The following JAK1 variants were observed in gnomAD, a reference collection of about 807,000 sequenced individuals.
JAK1 encodes Janus kinase 1.
A neutral mutation model predicts 136.6 loss-of-function variants in JAK1; 16 were observed. The ratio of observed to expected loss-of-function variants is 0.12; its 90% confidence interval spans 0.08 to 0.18. The LOEUF is 0.18. Among genes scored for constraint, JAK1 ranks in the 10% least tolerant of loss-of-function variants. JAK1 has a pLI of 1.00. For missense variants in JAK1, 859 were observed against 1,450.1 expected (o/e 0.59, Z 6.62); for synonymous variants, 492 against 519.5 (o/e 0.95, Z 0.72).
At chr1:64,985,469 G>A in intron 2 of JAK1, 1 of 1,603,124 alleles carries the variant, frequency 6.2e-7, no homozygotes, top group Non-Finnish European at 8.5e-7. Flanking sequence ...GCAAGAATCT[G>A]GGACTTTCAG....
chr1:65,050,502 G>A (rs1297608632), intron 1 of JAK1, among the ~76,000 whole-genome samples: 1 of 152,226 alleles, frequency 6.6e-6, no homozygotes, highest in Admixed American at 6.5e-5. Context: ...ACAAAGGCCA[G>A]GCCAGTCAAC....
rs10636048 is a variant in JAK1, at chr1:64,977,138, C to CTTGTTTGTTTGT, written c.-78+67330_-78+67341dup. On this transcript the variant is annotated intron_variant, in intron 2 of 25. Transcript: ENST00000671954. The stretch of plus-strand genomic sequence containing the variant: ...TATATTGTCCTCACAACAGCTTCAT[C>CTTGTTTGTTTGT]TTGTTTGTTTGTTTGTTTGTTTGTT... Among the ~76,000 whole-genome samples the CTTGTTTGTTTGT allele has an allele frequency of 8.7e-3, 1,292 of 148,370 alleles. 18 individuals are homozygous for CTTGTTTGTTTGT. Among genetic ancestry groups the CTTGTTTGTTTGT allele is most frequent in the African/African-American group, 0.025 (997 of 39,774 alleles).
intron 2 of JAK1, among the ~76,000 whole-genome samples, chr1:65,007,436 C>A (rs979877187): frequency 5.9e-5 from 9 of 152,084 alleles, no homozygotes; most frequent in African/African-American, 2.2e-4. Context: ...ACTCTTATTT[C>A]TTTCTTTGTT....
At chr1:64,927,688 A>G (rs1323868373) in intron 1 of JAK1, among the ~76,000 whole-genome samples, 1 of 152,224 alleles carries the variant, frequency 6.6e-6, no homozygotes, top group Non-Finnish European at 1.5e-5. Flanking sequence ...CAGGAAATAA[A>G]CATCCTGCAA....
chr1:64,872,812 A>G (rs1368381581), intron 5 of JAK1, among the ~76,000 whole-genome samples: 1 of 152,270 alleles, frequency 6.6e-6, no homozygotes, highest in African/African-American at 2.4e-5. Context: ...AATATTTTCA[A>G]AATCTATACA....
At chr1:64,999,732 C>T (rs1646735782) in intron 2 of JAK1, among the ~76,000 whole-genome samples, 1 of 133,472 alleles carries the variant, frequency 7.5e-6, no homozygotes. Flanking sequence ...GAGACCCTCT[C>T]TTTAAAAAAA....
In JAK1 at chr1:65,014,687, CT is replaced by C. The variant is rs766477302; in HGVS notation, c.-78+29792del. The stretch of plus-strand genomic sequence containing the variant: ...ATAATAAATAATCTATTATTCTATT[CT>C]TTTTTTTTTTTTTGGATATGGAGTC... On this transcript the variant is annotated intron_variant, in intron 2 of 25. Transcript: ENST00000671954. Among the ~76,000 whole-genome samples, 837 of 142,578 alleles carry C rather than the reference CT, an allele frequency of 5.9e-3. 4 individuals are homozygous for C. The highest frequency in any genetic ancestry group is 0.014 in the African/African-American group (548 of 39,118). 93.5% of individuals were successfully genotyped at this position (142,578 alleles called of 152,430 possible). A position where few individuals can be genotyped will look rare whatever the true frequency, so the allele number is the denominator to read the frequency against.
chr1:64,901,169 A>G (rs1261886804), intron 1 of JAK1, among the ~76,000 whole-genome samples: 1 of 152,188 alleles, frequency 6.6e-6, no homozygotes, highest in Non-Finnish European at 1.5e-5. Context: ...GATATTCAAT[A>G]AATGTCTGTG....
intron 4 of JAK1, among the ~76,000 whole-genome samples, chr1:64,875,338 C>T (rs749909826): frequency 1.3e-5 from 2 of 152,230 alleles, no homozygotes; most frequent in Non-Finnish European, 2.9e-5. Flanking sequence ...GAGGCACGCT[C>T]TCCTGGGAGG....
At chr1:64,891,803 C>T (rs1644940419) in intron 1 of JAK1, among the ~76,000 whole-genome samples, 1 of 152,214 alleles carries the variant, frequency 6.6e-6, no homozygotes, top group Non-Finnish European at 1.5e-5. Context: ...GAAGTCAGAA[C>T]TATGGCTTTT....
At chr1:64,896,296 T>C (rs1474679456) in intron 1 of JAK1, among the ~76,000 whole-genome samples, 3 of 152,242 alleles carry the variant, frequency 2.0e-5, no homozygotes, top group South Asian at 4.1e-4. Flanking sequence ...CAAACTGGCA[T>C]CCATTTCAAA....
intron 2 of JAK1, among the ~76,000 whole-genome samples, chr1:65,024,303 G>A (rs942019918): frequency 1.1e-4 from 17 of 152,128 alleles, no homozygotes; most frequent in African/African-American, 3.9e-4. Flanking sequence ...ATCCTAGGGG[G>A]TGTAAAGTTA....
intron 6 of JAK1, among the ~76,000 whole-genome samples, chr1:64,868,218 A>T (rs1336375074): frequency 6.6e-6 from 1 of 152,206 alleles, no homozygotes; most frequent in African/African-American, 2.4e-5. Context: ...ATACTGCTAG[A>T]ACGGGAGTCA....
At chr1:65,012,772 G>A (rs1247815714) in intron 2 of JAK1, among the ~76,000 whole-genome samples, 2 of 149,296 alleles carry the variant, frequency 1.3e-5, no homozygotes, top group East Asian at 4.0e-4. Flanking sequence ...ACTCCAGCCT[G>A]AGTGACACAG....
At chr1:65,048,079 G>T (rs1170567228) in intron 1 of JAK1, among the ~76,000 whole-genome samples, 1 of 152,118 alleles carries the variant, frequency 6.6e-6, no homozygotes, top group African/African-American at 2.4e-5. Context: ...AACCAAACAG[G>T]AGTAGATCCT....
rs1654334921 is a variant in JAK1 at position 64,834,403 on chromosome 1, A to G, written c.*159T>C. The G allele has an allele frequency of 1.8e-6, 1 of 570,924 alleles. No homozygotes were observed. The highest frequency in any genetic ancestry group is 2.8e-5 in the East Asian group (1 of 35,240). The allele number at this position is 570,924 out of a possible 1,614,324, so 35.4% of individuals were successfully genotyped here. A position where few individuals can be genotyped will look rare whatever the true frequency, so the allele number is the denominator to read the frequency against. Reference sequence around the variant, plus strand: ...AGTCCTTACACATATTAAGCACTACAGTGTGCCTTATACATGTATATGTAC... The same window carrying G: ...AGTCCTTACACATATTAAGCACTACGGTGTGCCTTATACATGTATATGTAC... On this transcript the variant is annotated 3_prime_UTR_variant, in exon 25 of 25. Coordinates refer to ENST00000342505, the MANE Select transcript of JAK1 (RefSeq NM_002227.4).
chr1:64,997,896 C>T (rs972975588), intron 2 of JAK1, among the ~76,000 whole-genome samples: 11 of 152,156 alleles, frequency 7.2e-5, no homozygotes, highest in South Asian at 2.1e-4. Context: ...AGCCACAAGA[C>T]GAGACAGCCT....
At chr1:65,057,747 T>C (rs1647612856) in intron 1 of JAK1, 1 of 154,866 alleles carries the variant, frequency 6.5e-6, no homozygotes, top group Non-Finnish European at 1.5e-5. Flanking sequence ...GAAATCGATA[T>C]GTGCCAGATA....
intron 1 of JAK1, chr1:65,067,523 C>A (rs1382270930): frequency 6.9e-6 from 1 of 145,814 alleles, no homozygotes; most frequent in Non-Finnish European, 1.5e-5. Flanking sequence ...CGGCCGCACG[C>A]CCCACGCAGC....
Sources: allele counts gnomAD v4.1 joint callset (sites outside exome capture counted in the v4.1 genomes callset), GRCh38; gene constraint gnomAD v4.1.1; transcripts MANE v1.5; gene names NCBI Gene and HGNC (gene_info 2026-07-23, HGNC 2026-07-21).